RFC3: variants seen among roughly 807,000 people sequenced by gnomAD.
RFC3 encodes the protein A1 38 kDa subunit.
Under a neutral mutation model 45.1 loss-of-function variants are expected in RFC3, and 41 were observed. That is an observed-to-expected ratio of 0.91 (90% CI 0.71 to 1.18). The LOEUF (loss-of-function observed/expected upper bound fraction) is 1.18, where lower values mean the gene tolerates loss of function less well. RFC3 is among the 50% of genes most tolerant of loss of function. RFC3 has a pLI of 0.00. For synonymous variants in RFC3, 149 were observed against 144.0 expected, an observed-to-expected ratio of 1.03 and a Z score of -0.25; for missense variants, 423 against 428.1, an observed-to-expected ratio of 0.99 and a Z score of 0.10.
At chr13:33,943,775 C>A (rs556533937) in intron 8 of RFC3, among the ~76,000 whole-genome samples, 1 of 152,174 alleles carries the variant, frequency 6.6e-6, no homozygotes, top group South Asian at 2.1e-4. Context: ...GAAGGAGATT[C>A]TCTTATTTTG....
chr13:33,888,316 C>A (rs1012752036), intron 8 of RFC3, among the ~76,000 whole-genome samples: 1 of 152,166 alleles, frequency 6.6e-6, no homozygotes, highest in Non-Finnish European at 1.5e-5. Flanking sequence ...GTTTACTGAA[C>A]TCTTACTCAC....
chr13:33,908,617 C>T (rs2082686268), intron 8 of RFC3, among the ~76,000 whole-genome samples: 1 of 143,812 alleles, frequency 7.0e-6, no homozygotes, highest in African/African-American at 2.7e-5. Flanking sequence ...TACACACACA[C>T]ACACACACAC....
chr13:33,961,722 A>T (rs985613555), intron 8 of RFC3, among the ~76,000 whole-genome samples: 3 of 152,206 alleles, frequency 2.0e-5, no homozygotes, highest in African/African-American at 7.2e-5. Context: ...CAGATACAAG[A>T]GGAACACTCA....
intron 8 of RFC3, among the ~76,000 whole-genome samples, chr13:33,958,555 A>G (rs1023710412): frequency 6.6e-6 from 1 of 152,210 alleles, no homozygotes; most frequent in African/African-American, 2.4e-5. Context: ...TACTTTGGAA[A>G]CGTACTCTAT....
chr13:33,820,933 AT>A (rs1566375270), intron 1 of RFC3, among the ~76,000 whole-genome samples, 198 bp from the exon 2 acceptor site: 1 of 148,550 alleles, frequency 6.7e-6, no homozygotes, highest in Non-Finnish European at 1.5e-5. Context: ...ATATATATAT[AT>A]AAAAGATACA....
In RFC3 at chr13:33,834,298, G is replaced by GTGTGTATATATATA. The variant is rs1302839326; in HGVS notation, c.810-849_810-848insGTGTATATATATAT. ...GAAGTATGGAACATCTGTACTGTGT[G>GTGTGTATATATATA]TATATATATATATATATATATATAT... On this transcript the variant is annotated intron_variant, in intron 7 of 8. Coordinates refer to ENST00000380071, the MANE Select transcript of RFC3 (RefSeq NM_002915.4). 1.3e-3 allele frequency among the ~76,000 whole-genome samples: 139 copies of GTGTGTATATATATA among 109,156 alleles called. 2 individuals carry two copies. The highest frequency in any genetic ancestry group is 4.7e-3 in the East Asian group (16 of 3,384). 71.6% of individuals were successfully genotyped at this position (109,156 alleles called of 152,430 possible). A position where few individuals can be genotyped will look rare whatever the true frequency, so the allele number is the denominator to read the frequency against.
chr13:33,825,446 G>C (rs953493453), intron 3 of RFC3, among the ~76,000 whole-genome samples: 3 of 152,116 alleles, frequency 2.0e-5, no homozygotes, highest in Non-Finnish European at 4.4e-5. Flanking sequence ...AACAATTATA[G>C]ATAGTTGAGA....
At chr13:33,948,541 C>T (rs938758768) in intron 8 of RFC3, among the ~76,000 whole-genome samples, 2 of 152,184 alleles carry the variant, frequency 1.3e-5, no homozygotes, top group Non-Finnish European at 2.9e-5. Context: ...GCCCTCCAGA[C>T]CCCAGAATTA....
At chr13:33,925,351 T>TATATAGTGTACTATATACATAC (rs1566030725) in intron 8 of RFC3, among the ~76,000 whole-genome samples, 2 of 45,698 alleles carry the variant, frequency 4.4e-5, no homozygotes, top group Non-Finnish European at 6.9e-5. Context: ...TATACATACA[T>TATATAGTGTACTATATACATAC]ATATAGTGTA....
chr13:33,908,184 C>T (rs2082682896), intron 8 of RFC3, among the ~76,000 whole-genome samples: 1 of 151,920 alleles, frequency 6.6e-6, no homozygotes, highest in African/African-American at 2.4e-5. Context: ...AACACACACA[C>T]ACAGTGCTAC....
In RFC3 at chr13:33,951,388, C is replaced by T. The variant is rs149290486; in HGVS notation, c.880-14699C>T. On this transcript the variant is annotated intron_variant, in intron 8 of 8. Transcript: ENST00000434425. Reference sequence around the variant, plus strand: ...CTGGGAATACAGGTGCATGCCACCACGCCTGGCTAATTTTTTGTATTTTCA... The same window carrying T: ...CTGGGAATACAGGTGCATGCCACCATGCCTGGCTAATTTTTTGTATTTTCA... Among the ~76,000 whole-genome samples, 5 of 151,962 alleles carry T rather than the reference C, an allele frequency of 3.3e-5. 1 individual carries two copies. The highest frequency in any genetic ancestry group is 2.4e-5 in the African/African-American group (1 of 41,474).
At chr13:33,970,313 A>G (rs2083104818), downstream of RFC3, among the ~76,000 whole-genome samples, 1 of 152,020 alleles carries the variant, frequency 6.6e-6, no homozygotes, top group African/African-American at 2.4e-5. Flanking sequence ...TATGTACCAT[A>G]TTTTCTTTAT....
intron 7 of RFC3, among the ~76,000 whole-genome samples, chr13:33,833,834 A>T (rs946764925): frequency 2.0e-5 from 3 of 152,286 alleles, no homozygotes; most frequent in South Asian, 4.1e-4. Flanking sequence ...ACAAGTCTTG[A>T]TGGAAGCCTG....
At chr13:33,967,590 C>T (rs1441610627), downstream of RFC3, among the ~76,000 whole-genome samples, 5 of 146,960 alleles carry the variant, frequency 3.4e-5, no homozygotes, top group South Asian at 2.1e-4. Context: ...TGGGTTCAAG[C>T]GATTCTCCTG....
chr13:33,897,664 T>C (rs2082609576), intron 8 of RFC3, among the ~76,000 whole-genome samples: 1 of 151,976 alleles, frequency 6.6e-6, no homozygotes, highest in African/African-American at 2.4e-5. Flanking sequence ...TATGCTGCCT[T>C]CAAAAAAGTC....
intron 3 of RFC3, among the ~76,000 whole-genome samples, chr13:33,824,375 ACT>A (rs1401736902): frequency 6.6e-6 from 1 of 151,860 alleles, no homozygotes; most frequent in Non-Finnish European, 1.5e-5. Context: ...TTTCTTTGTC[ACT>A]CTCTTTGTTT....
intron 8 of RFC3, among the ~76,000 whole-genome samples, chr13:33,957,566 T>C (rs2083029649): frequency 6.6e-6 from 1 of 152,142 alleles, no homozygotes. Context: ...TGGAGTAACC[T>C]GGAAGGATGA....
chr13:33,892,019 T>C (rs1451900372), intron 8 of RFC3, among the ~76,000 whole-genome samples: 4 of 151,968 alleles, frequency 2.6e-5, no homozygotes, highest in Non-Finnish European at 4.4e-5. Context: ...ATTATTCAAC[T>C]GTCTCTACAT....
chr13:33,838,764 G>A (rs1401093952), downstream of RFC3, among the ~76,000 whole-genome samples: 1 of 152,052 alleles, frequency 6.6e-6, no homozygotes, highest in Non-Finnish European at 1.5e-5. Context: ...TTTCTCCTGT[G>A]TACTGTTACA....
Sources: allele counts gnomAD v4.1 joint callset (sites outside exome capture counted in the v4.1 genomes callset), GRCh38; gene constraint gnomAD v4.1.1; transcripts MANE v1.5; gene names NCBI Gene and HGNC (gene_info 2026-07-23, HGNC 2026-07-21).